The following SEMA3C variants were observed in gnomAD, a reference collection of about 807,000 sequenced individuals.
SEMA3C encodes the protein semaphorin 3C.
SEMA3C carries 47 observed loss-of-function variants against 89.4 expected under a neutral mutation model. The observed-to-expected ratio is 0.53, with a 90% CI of 0.42 to 0.67. The LOEUF (loss-of-function observed/expected upper bound fraction) is 0.67, where lower values mean the gene tolerates loss of function less well. Ranked by LOEUF, SEMA3C falls within the 30% of genes least tolerant of loss-of-function variation. SEMA3C has a pLI of 0.00. For synonymous variants in SEMA3C, 310 were observed against 320.2 expected (o/e 0.97, Z 0.34); for missense variants, 839 against 929.1 (o/e 0.90, Z 1.26).
chr7:80,854,199 C>T (rs906288292), intron 2 of SEMA3C, among the ~76,000 whole-genome samples: 10 of 152,044 alleles, frequency 6.6e-5, no homozygotes, highest in Non-Finnish European at 4.4e-5. Context: ...CTATGTACCC[C>T]AAAAAGATGC....
At chr7:80,809,199 C>T (rs1373217084) in intron 6 of SEMA3C, among the ~76,000 whole-genome samples, 2 of 151,934 alleles carry the variant, frequency 1.3e-5, no homozygotes, top group Non-Finnish European at 2.9e-5. Context: ...AGCAATTAGG[C>T]CCGCTGCTTA....
intron 2 of SEMA3C, among the ~76,000 whole-genome samples, chr7:80,889,449 T>C (rs1441380561): frequency 6.6e-6 from 1 of 152,190 alleles, no homozygotes; most frequent in Non-Finnish European, 1.5e-5. Flanking sequence ...ATATAGAAGA[T>C]GTCATTATCC....
Position 80,795,628 on chromosome 7 carries a change from T to C in SEMA3C, c.1131+2464A>G, listed in dbSNP as rs972303432. 3.3e-5 allele frequency among the ~76,000 whole-genome samples: 5 copies of C among 152,230 alleles called. 1 individual carries two copies. The East Asian group carries it at 7.7e-4, about 23-fold the overall frequency. On this transcript the variant is annotated intron_variant, in intron 11 of 17. Transcript: ENST00000265361. ...AATTTAGCATTGGTTTATTCTGTTT[T>C]ACTAAAAAGGGTTTAGTATTCCTAC...
chr7:80,805,829 A>C, intron 6 of SEMA3C, 71 bp from the exon 7 acceptor site: 1 of 1,104,378 alleles, frequency 9.1e-7, no homozygotes, highest in Non-Finnish European at 1.3e-6. Flanking sequence ...GAGTTTATTT[A>C]TTAGGAGATC....
rs76993885 is a variant in SEMA3C, at chr7:80,818,416, G to A, written c.330C>T (p.His110=). 556 of 1,612,402 alleles carry A rather than the reference G, an allele frequency of 3.4e-4. 4 individuals carry two copies. In the African/African-American group the frequency reaches 6.1e-3, roughly 18 times the overall value. ...ECKMAGKDPT[H]GCGNFVRVIQ... Reference sequence around the variant, plus strand: ...TTACACGGACAAAGTTCCCACAGCCGTGCTAAAAGAATCAGTAAATAAGCA... The same window carrying A: ...TTACACGGACAAAGTTCCCACAGCCATGCTAAAAGAATCAGTAAATAAGCA... Residue 110 remains histidine, a splice_region_variant and synonymous_variant, in exon 5 of 18, where the codon CAC becomes CAT. Coordinates refer to ENST00000265361, the MANE Select transcript of SEMA3C (RefSeq NM_006379.5).
intron 2 of SEMA3C, among the ~76,000 whole-genome samples, chr7:80,851,504 T>A (rs1281827120): frequency 5.7e-5 from 4 of 69,792 alleles, no homozygotes; most frequent in South Asian, 7.3e-4. Context: ...CTCTTGTCTT[T>A]AAAAAAAAAA....
chr7:80,807,361 T>G (rs1789366120), intron 6 of SEMA3C, among the ~76,000 whole-genome samples: 1 of 152,190 alleles, frequency 6.6e-6, no homozygotes, highest in Admixed American at 6.5e-5. Flanking sequence ...TCATACCACC[T>G]TATTAGTCAT....
chr7:80,854,483 C>A (rs1368165257), intron 2 of SEMA3C, among the ~76,000 whole-genome samples: 9 of 152,182 alleles, frequency 5.9e-5, no homozygotes, highest in Non-Finnish European at 1.3e-4. Context: ...AGTTCTGGAG[C>A]CTCACTACTG....
In SEMA3C at chr7:80,773,288, T is replaced by C. The variant is rs12234771; in HGVS notation, c.1355-8045A>G. Among the ~76,000 whole-genome samples the C allele has an allele frequency of 7.4e-3, 1,122 of 152,192 alleles. 62 individuals are homozygous for C. The East Asian group carries it at 0.15, about 20-fold the overall frequency. ...AAGAATTTTCATATGTTTTGAAAATTAGAGTATATACGATTTATGAAATTG... is the reference window on the plus strand; with the variant it reads ...AAGAATTTTCATATGTTTTGAAAATCAGAGTATATACGATTTATGAAATTG... On this transcript the variant is annotated intron_variant, in intron 12 of 17. Coordinates refer to ENST00000265361, the MANE Select transcript of SEMA3C (RefSeq NM_006379.5).
At chr7:80,907,479 G>GA (rs1179921786) in intron 2 of SEMA3C, among the ~76,000 whole-genome samples, 1 of 152,000 alleles carries the variant, frequency 6.6e-6, no homozygotes, top group South Asian at 2.1e-4. Flanking sequence ...CAGGAGAAAG[G>GA]AAAAAGCCCT....
intron 2 of SEMA3C, among the ~76,000 whole-genome samples, chr7:80,885,223 G>A (rs1395651151): frequency 6.6e-6 from 1 of 151,648 alleles, no homozygotes; most frequent in Non-Finnish European, 1.5e-5. Flanking sequence ...ACCTTTTTTT[G>A]TTTGTTTGTT....
chr7:80,815,166 G>C (rs1789570136), intron 5 of SEMA3C, among the ~76,000 whole-genome samples: 1 of 152,106 alleles, frequency 6.6e-6, no homozygotes, highest in Admixed American at 6.6e-5. Flanking sequence ...AAATAATAGA[G>C]AGTAGGTGGT....
chr7:80,919,310 G>A (rs1792361177), upstream of SEMA3C: 1 of 985,172 alleles, frequency 1.0e-6, no homozygotes, highest in Admixed American at 6.2e-5. Context: ...CGCGGCCGCA[G>A]GCTGGAGCCC....
At chr7:80,765,734 G>A (rs1325973673) in intron 12 of SEMA3C, among the ~76,000 whole-genome samples, 4 of 152,054 alleles carry the variant, frequency 2.6e-5, no homozygotes, top group Admixed American at 2.6e-4. Flanking sequence ...CCGCCACCAC[G>A]CCTGGCTAAT....
chr7:80,835,601 TAAAG>T (rs1790107273), intron 2 of SEMA3C, among the ~76,000 whole-genome samples: 1 of 151,792 alleles, frequency 6.6e-6, no homozygotes, highest in Non-Finnish European at 1.5e-5. Flanking sequence ...GAAAAAAAAA[TAAAG>T]AGCAGTGAAA....
chr7:80,771,266 T>C (rs1021661038), intron 12 of SEMA3C, among the ~76,000 whole-genome samples: 2 of 152,206 alleles, frequency 1.3e-5, no homozygotes, highest in Non-Finnish European at 2.9e-5. Flanking sequence ...CTCAATTTTC[T>C]CTTCTGTGAG....
chr7:80,900,338 C>A (rs1328174499), intron 2 of SEMA3C, among the ~76,000 whole-genome samples: 1 of 152,172 alleles, frequency 6.6e-6, no homozygotes. Context: ...TGGTCTCAAT[C>A]TCCTGACCTC....
intron 4 of SEMA3C, among the ~76,000 whole-genome samples, chr7:80,820,821 C>T (rs1219123738): frequency 6.6e-6 from 1 of 152,068 alleles, no homozygotes; most frequent in East Asian, 1.9e-4. Context: ...AGGAATGAGA[C>T]ACATGCATAT....
intron 4 of SEMA3C, among the ~76,000 whole-genome samples, chr7:80,820,514 T>C (rs1477357713): frequency 6.6e-6 from 1 of 152,198 alleles, no homozygotes; most frequent in Non-Finnish European, 1.5e-5. Flanking sequence ...TGCCAGCAAA[T>C]ATATACTTTT....
Sources: allele counts gnomAD v4.1 joint callset (sites outside exome capture counted in the v4.1 genomes callset), GRCh38; gene constraint gnomAD v4.1.1; transcripts MANE v1.5; gene names NCBI Gene and HGNC (gene_info 2026-07-23, HGNC 2026-07-21).